MAP2K5: variants seen among roughly 807,000 people sequenced by gnomAD.
The protein encoded by MAP2K5 is dual specificity mitogen-activated protein kinase kinase 5.
Under a neutral mutation model 83.1 loss-of-function variants are expected in MAP2K5, and 49 were observed. The ratio of observed to expected loss-of-function variants is 0.59; its 90% CI spans 0.47 to 0.75. The LOEUF (loss-of-function observed/expected upper bound fraction) is 0.75, where lower values mean the gene tolerates loss of function less well. Among genes scored for constraint, MAP2K5 ranks in the 30% least tolerant of loss-of-function variants. The pLI, the probability that MAP2K5 is intolerant of heterozygous loss-of-function variation, is 0.00. For synonymous variants in MAP2K5, 202 were observed against 191.8 expected, an observed-to-expected ratio of 1.05 and a Z score of -0.44; for missense variants, 457 against 557.5, an observed-to-expected ratio of 0.82 and a Z score of 1.82.
At chr15:67,626,368 C>CA (rs1220916790) in intron 8 of MAP2K5, among the ~76,000 whole-genome samples, 4 of 150,928 alleles carry the variant, frequency 2.7e-5, no homozygotes, top group East Asian at 1.9e-4. Context: ...ATGAAAAATA[C>CA]AAAAAAAAAT....
At chr15:67,761,441 TG>T (rs1465218611) in intron 19 of MAP2K5, among the ~76,000 whole-genome samples, 3 of 152,224 alleles carry the variant, frequency 2.0e-5, no homozygotes, top group Admixed American at 2.0e-4. Flanking sequence ...TTTAAAAATG[TG>T]TAAGCAAATA....
chr15:67,748,462 G>T lies in MAP2K5; in HGVS notation c.1102-107G>T. On this transcript the variant is annotated intron_variant, in intron 18 of 21. Transcript: ENST00000178640. The surrounding 1 kb of genome is among the most constrained non-coding windows in gnomAD (Gnocchi z 4.0). ...GTTTTTATAAGAGTTTGCTGTTGTT[G>T]ATTAATCTTGCTATATTTTATTGCA... 2.0e-6 allele frequency: 2 copies of T among 992,694 alleles called. No homozygotes were observed. The highest frequency in any genetic ancestry group is 2.2e-5 in the Admixed American group (1 of 46,124). 61.5% of individuals were successfully genotyped at this position (992,694 alleles called of 1,614,324 possible).
Position 67,794,908 on chromosome 15 carries a change from T to C in MAP2K5, c.1243-11738T>C, listed in dbSNP as rs2090579145. Among the ~76,000 whole-genome samples, 2 of 152,368 alleles carry C rather than the reference T, an allele frequency of 1.3e-5. No homozygotes were observed. The highest frequency in any genetic ancestry group is 1.9e-4 in the East Asian group (1 of 5,186). On this transcript the variant is annotated intron_variant, in intron 21 of 21. Coordinates refer to ENST00000178640, the MANE Select transcript of MAP2K5 (RefSeq NM_145160.3). The surrounding 1 kb of genome is among the most constrained non-coding windows in gnomAD (Gnocchi z 4.6). ...TCTTGAAATAAGATGAGACAATAGA[T>C]ATGAAATGCTTTGAAAAGTTAAAAC...
intron 17 of MAP2K5, among the ~76,000 whole-genome samples, chr15:67,742,279 C>A (rs766506894): frequency 6.6e-6 from 1 of 152,150 alleles, no homozygotes; most frequent in Non-Finnish European, 1.5e-5. Context: ...GACAGAATAC[C>A]TATATGTTTG....
At chr15:67,605,092 C>T (rs1596636219) in intron 8 of MAP2K5, among the ~76,000 whole-genome samples, 3 of 148,218 alleles carry the variant, frequency 2.0e-5, no homozygotes, top group South Asian at 4.3e-4. Flanking sequence ...CTCGCTCTGT[C>T]GCCAGGCTGG....
chr15:67,736,977 A>G lies in MAP2K5; in HGVS notation c.1074+9032A>G, dbSNP rs1470078581. On this transcript the variant is annotated intron_variant, in intron 17 of 21. Transcript: ENST00000178640. This position sits in a 1 kb window ranked among gnomAD's most constrained non-coding sequence, Gnocchi z 4.3. ...AATAGGAGTCCACAGCCATTAAATGACTCACTCATGATTACCAGGTATTCA... is the reference window on the plus strand; with the variant it reads ...AATAGGAGTCCACAGCCATTAAATGGCTCACTCATGATTACCAGGTATTCA... Among the ~76,000 whole-genome samples, 1 of 152,162 alleles carries G rather than the reference A, an allele frequency of 6.6e-6. No individual in the cohort carries two copies. Among genetic ancestry groups the G allele is most frequent in the African/African-American group, 2.4e-5 (1 of 41,432 alleles).
intron 8 of MAP2K5, among the ~76,000 whole-genome samples, chr15:67,608,213 T>C (rs1487072519): frequency 6.6e-6 from 1 of 152,146 alleles, no homozygotes; most frequent in Non-Finnish European, 1.5e-5. Flanking sequence ...GGGACTGACA[T>C]AGTGTCTGTC....
chr15:67,794,411 C>T lies in MAP2K5; in HGVS notation c.1243-12235C>T, dbSNP rs115722112. On this transcript the variant is annotated intron_variant, in intron 21 of 21. Coordinates refer to ENST00000178640, the MANE Select transcript of MAP2K5 (RefSeq NM_145160.3). The surrounding 1 kb of genome is among the most constrained non-coding windows in gnomAD (Gnocchi z 4.6). ...AGTTTGCTTCCTTTTTGTGCATTTC[C>T]TTTTTTAAAAAAGGAGGGGTCTGTT... Among the ~76,000 whole-genome samples, 347 of 152,070 alleles carry T rather than the reference C, an allele frequency of 2.3e-3. 1 individual carries two copies. The highest frequency in any genetic ancestry group is 8.2e-3 in the African/African-American group (341 of 41,492).
At chr15:67,605,240 G>C (rs544009622) in intron 8 of MAP2K5, among the ~76,000 whole-genome samples, 1 of 151,850 alleles carries the variant, frequency 6.6e-6, no homozygotes, top group African/African-American at 2.4e-5. Flanking sequence ...ATTTTAGTAG[G>C]GATGGGGTTT....
At position 67,796,946 on chromosome 15, in the gene MAP2K5, A is replaced by G. The variant is rs183223995; in HGVS notation, c.1243-9700A>G. ...TCTTTTAAGGACAGAATTTCTAGGA[A>G]CCGGCACACATTGTGTCTGTTCACA... On this transcript the variant is annotated intron_variant, in intron 21 of 21. Coordinates refer to ENST00000178640, the MANE Select transcript of MAP2K5 (RefSeq NM_145160.3). Among the ~76,000 whole-genome samples, 11 of 152,266 alleles carry G rather than the reference A, an allele frequency of 7.2e-5. No homozygotes were observed. The East Asian group carries it at 2.1e-3, about 29-fold the overall frequency.
chr15:67,733,854 CTGT>C (rs2089280441), intron 17 of MAP2K5, among the ~76,000 whole-genome samples: 1 of 152,096 alleles, frequency 6.6e-6, no homozygotes, highest in Non-Finnish European at 1.5e-5. Context: ...TGAAAATATC[CTGT>C]TGTTAAAACC....
rs2085082613 is a variant in MAP2K5, at chr15:67,577,112, T to C, written c.253-3642T>C. ...CACCGTGCCCGGCTAATTTTTTGTA[T>C]TTTTAGTAGAGACGGGGTTTCACCT... On this transcript the variant is annotated intron_variant, in intron 3 of 21. Coordinates refer to ENST00000178640, the MANE Select transcript of MAP2K5 (RefSeq NM_145160.3). This position sits in a 1 kb window ranked among gnomAD's most constrained non-coding sequence, Gnocchi z 4.1. Among the ~76,000 whole-genome samples the C allele has an allele frequency of 6.6e-6, 1 of 151,070 alleles. No individual in the cohort carries two copies.
chr15:67,577,419 AT>A lies in MAP2K5; in HGVS notation c.253-3334del, dbSNP rs2085088845. Among the ~76,000 whole-genome samples the A allele has an allele frequency of 6.6e-6, 1 of 152,214 alleles. No homozygotes were observed. The highest frequency in any genetic ancestry group is 6.5e-5 in the Admixed American group (1 of 15,282). Reference sequence around the variant, plus strand: ...TGTGCAGAGCTTTGTGTTAGGGCTAATAAATGCCAGGATAAGATTATAGACC... The same window carrying A: ...TGTGCAGAGCTTTGTGTTAGGGCTAAAAATGCCAGGATAAGATTATAGACC... On this transcript the variant is annotated intron_variant, in intron 3 of 21. Transcript: ENST00000178640. This position sits in a 1 kb window ranked among gnomAD's most constrained non-coding sequence, Gnocchi z 4.1.
intron 8 of MAP2K5, among the ~76,000 whole-genome samples, chr15:67,615,565 G>T (rs2086037138): frequency 6.6e-6 from 1 of 152,046 alleles, no homozygotes; most frequent in Non-Finnish European, 1.5e-5. Context: ...TTTAGTATGT[G>T]ACAGAATACT....
intron 12 of MAP2K5, among the ~76,000 whole-genome samples, chr15:67,659,531 T>C (rs1435032329): frequency 6.6e-6 from 1 of 152,130 alleles, no homozygotes; most frequent in African/African-American, 2.4e-5. Flanking sequence ...TTTCTGATGC[T>C]ATTGCTCCTA....
intron 8 of MAP2K5, among the ~76,000 whole-genome samples, chr15:67,625,727 A>C (rs975924700): frequency 6.6e-5 from 10 of 152,216 alleles, no homozygotes; most frequent in African/African-American, 2.2e-4. Context: ...TTAAATTGGT[A>C]CTGTCATTGC....
chr15:67,788,856 C>T (rs1328156712), intron 21 of MAP2K5, among the ~76,000 whole-genome samples: 1 of 151,718 alleles, frequency 6.6e-6, no homozygotes, highest in African/African-American at 2.4e-5. Flanking sequence ...CCTGTAGTCC[C>T]AGCTTCTCAG....
chr15:67,628,693 T>G (rs544606663), intron 8 of MAP2K5: 1 of 865,784 alleles, frequency 1.2e-6, no homozygotes, highest in African/African-American at 1.6e-5. Context: ...GCCACAACGG[T>G]GAAGTTAGGA....
intron 17 of MAP2K5, among the ~76,000 whole-genome samples, chr15:67,733,968 A>G (rs907254367): frequency 3.3e-5 from 5 of 152,074 alleles, no homozygotes; most frequent in African/African-American, 1.2e-4. Flanking sequence ...TTGCTTCAGA[A>G]CCTCCTGCTA....
Sources: allele counts gnomAD v4.1 joint callset (sites outside exome capture counted in the v4.1 genomes callset), GRCh38; gene constraint gnomAD v4.1.1; non-coding constraint Gnocchi (gnomAD v3.1); transcripts MANE v1.5; gene names NCBI Gene and HGNC (gene_info 2026-07-23, HGNC 2026-07-21).